Variants in NCALD observed in about 807,000 individuals in gnomAD.
NCALD encodes the protein neurocalcin-delta.
Under a neutral mutation model 18.6 loss-of-function variants are expected in NCALD, and 10 were observed. The observed-to-expected ratio is 0.54, with a 90% confidence interval of 0.33 to 0.91. NCALD has a LOEUF of 0.91. Among genes scored for constraint, NCALD ranks in the 40% least tolerant of loss-of-function variants. The probability of loss-of-function intolerance (pLI) is 0.03; values close to 1 mark genes in which losing one functional copy is unlikely to be tolerated. For synonymous variants in NCALD, 88 were observed against 87.4 expected (o/e 1.01, Z -0.04); for missense variants, 184 against 247.6 (o/e 0.74, Z 1.72).
chr8:102,074,031 C>T (rs2132305153), intron 1 of NCALD, among the ~76,000 whole-genome samples: 1 of 152,192 alleles, frequency 6.6e-6, no homozygotes, highest in East Asian at 1.9e-4. Context: ...GCTGTCTGTC[C>T]CATGGTATAT....
chr8:102,101,856 G>C (rs1006846869), intron 1 of NCALD, among the ~76,000 whole-genome samples: 1 of 152,174 alleles, frequency 6.6e-6, no homozygotes, highest in African/African-American at 2.4e-5. Context: ...ATGGGGCTGT[G>C]TGGGAGCCTG....
intron 1 of NCALD, among the ~76,000 whole-genome samples, chr8:101,779,075 T>C (rs1466485735): frequency 6.6e-6 from 1 of 152,100 alleles, no homozygotes; most frequent in Non-Finnish European, 1.5e-5. Flanking sequence ...GTCCATAAAA[T>C]TGTGATGGAA....
chr8:101,859,739 G>A (rs1815463763), intron 4 of NCALD, among the ~76,000 whole-genome samples: 1 of 152,196 alleles, frequency 6.6e-6, no homozygotes, highest in African/African-American at 2.4e-5. Flanking sequence ...AAGAAGAGTA[G>A]TGCATTAAAC....
intron 3 of NCALD, among the ~76,000 whole-genome samples, chr8:101,914,309 G>A (rs1400933799): frequency 6.6e-6 from 1 of 152,122 alleles, no homozygotes; most frequent in African/African-American, 2.4e-5. Flanking sequence ...CAAGTATTTT[G>A]GGGAGGAAGA....
intron 1 of NCALD, among the ~76,000 whole-genome samples, chr8:101,730,584 C>T (rs1297828454): frequency 3.3e-5 from 5 of 150,114 alleles, no homozygotes; most frequent in African/African-American, 1.2e-4. Context: ...TTTCATTTAT[C>T]GATGGATTCA....
At chr8:102,120,939 T>C (rs1825927180) in intron 1 of NCALD, among the ~76,000 whole-genome samples, 1 of 152,200 alleles carries the variant, frequency 6.6e-6, no homozygotes, top group African/African-American at 2.4e-5. Context: ...CCGCAAATGA[T>C]ATTCTCTAGG....
chr8:101,748,669 A>G (rs558192869), intron 1 of NCALD, among the ~76,000 whole-genome samples: 39 of 152,312 alleles, frequency 2.6e-4, no homozygotes, highest in African/African-American at 8.9e-4. Context: ...AGATGGTCTT[A>G]CCATCATCCT....
intron 3 of NCALD, among the ~76,000 whole-genome samples, chr8:101,899,744 A>G (rs943237366): frequency 1.9e-4 from 28 of 151,048 alleles, no homozygotes; most frequent in African/African-American, 5.9e-4. Context: ...TATGGCATAT[A>G]ATTACCTTTA....
chr8:102,051,314 T>C (rs1450812949), intron 1 of NCALD, among the ~76,000 whole-genome samples: 1 of 152,116 alleles, frequency 6.6e-6, no homozygotes, highest in African/African-American at 2.4e-5. Context: ...TAGTAACTCC[T>C]GCCTAGAGTG....
At chr8:101,817,392 T>C (rs1813539751) in intron 4 of NCALD, among the ~76,000 whole-genome samples, 2 of 152,204 alleles carry the variant, frequency 1.3e-5, no homozygotes, top group Non-Finnish European at 2.9e-5. Context: ...TTCCGGATTG[T>C]CATTTCATTT....
At chr8:102,102,108 CTT>C (rs1407198797) in intron 1 of NCALD, among the ~76,000 whole-genome samples, 1 of 152,120 alleles carries the variant, frequency 6.6e-6, no homozygotes, top group East Asian at 1.9e-4. Context: ...CACATAATGT[CTT>C]TTGAGTAAGA....
intron 2 of NCALD, among the ~76,000 whole-genome samples, chr8:101,707,266 T>C (rs1815572399): frequency 6.6e-6 from 1 of 152,134 alleles, no homozygotes; most frequent in African/African-American, 2.4e-5. Flanking sequence ...AAAAAGAATA[T>C]AAGGAAGTCT....
intron 1 of NCALD, among the ~76,000 whole-genome samples, chr8:102,033,160 G>A (rs1445650861): frequency 6.6e-6 from 1 of 151,984 alleles, no homozygotes; most frequent in Non-Finnish European, 1.5e-5. Context: ...TGATCAAGGC[G>A]CTAATTTCAC....
intron 2 of NCALD, among the ~76,000 whole-genome samples, chr8:101,936,189 A>C (rs997286184): frequency 1.3e-5 from 2 of 152,200 alleles, no homozygotes; most frequent in African/African-American, 4.8e-5. Flanking sequence ...AAATTGACTA[A>C]GGAGATTTAG....
At position 102,071,413 on chromosome 8, in the gene NCALD, G is replaced by A. The variant is rs985681904; in HGVS notation, c.-209-51124C>T. On this transcript the variant is annotated intron_variant, in intron 1 of 6. Transcript: ENST00000311028. ...CAACGAAAATTCTCTTAGCCTTTTC[G>A]ATGTTTAAAGCACTATGCTAGGGTT... Among the ~76,000 whole-genome samples, 7 of 151,958 alleles carry A rather than the reference G, an allele frequency of 4.6e-5. No individual in the cohort carries two copies. In the East Asian group the frequency reaches 7.7e-4, roughly 17 times the overall value.
chr8:101,704,153 T>C (rs1181482289), intron 2 of NCALD, among the ~76,000 whole-genome samples: 1 of 152,194 alleles, frequency 6.6e-6, no homozygotes, highest in Non-Finnish European at 1.5e-5. Context: ...TTCCAAGTAA[T>C]TTAACTGTGT....
chr8:101,781,701 GA>G (rs1653944778), intron 1 of NCALD, among the ~76,000 whole-genome samples: 1 of 152,128 alleles, frequency 6.6e-6, no homozygotes, highest in Non-Finnish European at 1.5e-5. Flanking sequence ...TGTGCTACTA[GA>G]GTGAAATTAT....
At chr8:101,807,943 G>A (rs1813163708) in intron 4 of NCALD, among the ~76,000 whole-genome samples, 1 of 151,960 alleles carries the variant, frequency 6.6e-6, no homozygotes, top group African/African-American at 2.4e-5. Context: ...AAAATGAGAA[G>A]AAACTATGGA....
chr8:101,691,877 C>A (rs961909882), intron 3 of NCALD: 1 of 985,264 alleles, frequency 1.0e-6, no homozygotes, highest in Non-Finnish European at 1.2e-6. Flanking sequence ...CAAGAATTGC[C>A]GAGGCCTCTG....
Sources: gnomAD v4.1 joint callset for allele counts (sites outside exome capture counted in the v4.1 genomes callset) on GRCh38, gnomAD v4.1.1 for gene constraint, MANE v1.5 for transcripts, NCBI Gene and HGNC (gene_info 2026-07-23, HGNC 2026-07-21) for gene names.